The following ACSL3 variants were observed in gnomAD, a reference collection of about 807,000 sequenced individuals.
The protein encoded by ACSL3 is acyl-CoA synthetase long chain family member 3, also known as fatty acid CoA ligase Acsl3.
A neutral mutation model predicts 84.7 loss-of-function variants in ACSL3; 34 were observed. That is an observed-to-expected ratio of 0.40 (90% CI 0.31 to 0.53). ACSL3 has a LOEUF of 0.53. ACSL3 is among the 20% of genes least tolerant of loss of function. The pLI is 0.48. For missense variants in ACSL3, 680 were observed against 873.1 expected, an observed-to-expected ratio of 0.78 and a Z score of 2.79; for synonymous variants, 315 against 299.4, an observed-to-expected ratio of 1.05 and a Z score of -0.54.
intron 4 of ACSL3, among the ~76,000 whole-genome samples, chr2:222,910,421 C>CT (rs917818842): frequency 3.4e-4 from 51 of 152,220 alleles, no homozygotes; most frequent in African/African-American, 1.2e-3. Context: ...CCCCAACTGG[C>CT]TTTTTTTCCT....
intron 3 of ACSL3, among the ~76,000 whole-genome samples, chr2:222,904,118 A>T (rs1696230587): frequency 6.6e-6 from 1 of 152,164 alleles, no homozygotes; most frequent in Non-Finnish European, 1.5e-5. Context: ...CTAAAAATAC[A>T]AAATTAGCCG....
rs1694989988 is a variant in ACSL3 at position 222,861,093 on chromosome 2, C to CGGGACGAGGAGGCGT, written c.-371_-357dup. The CGGGACGAGGAGGCGT allele has an allele frequency of 6.6e-6, 1 of 152,226 alleles. No individual in the cohort carries two copies. The highest frequency in any genetic ancestry group is 2.4e-5 in the African/African-American group (1 of 41,446). The allele number at this position is 152,226 out of a possible 1,614,324, so 9.4% of individuals were successfully genotyped here. A position where few individuals can be genotyped will look rare whatever the true frequency, so the allele number is the denominator to read the frequency against. Reference sequence around the variant, plus strand: ...CTGCAGTTGTCTACGCGGCCGGGGCCGGGACGAGGAGGCGTTGGACGGGGT... The same window carrying CGGGACGAGGAGGCGT: ...CTGCAGTTGTCTACGCGGCCGGGGCCGGGACGAGGAGGCGTGGGACGAGGAGGCGTTGGACGGGGT... On this transcript the variant is annotated 5_prime_UTR_variant, in exon 1 of 17. Coordinates refer to ENST00000357430, the MANE Select transcript of ACSL3 (RefSeq NM_004457.5).
chr2:222,904,333 T>C (rs780884487), intron 3 of ACSL3, among the ~76,000 whole-genome samples: 2 of 151,862 alleles, frequency 1.3e-5, no homozygotes, highest in Admixed American at 1.3e-4. Context: ...GGTAGTGAAG[T>C]TTATATGGTC....
At chr2:222,870,126 A>G (rs1395698985) in intron 1 of ACSL3, among the ~76,000 whole-genome samples, 2 of 140,936 alleles carry the variant, frequency 1.4e-5, no homozygotes, top group African/African-American at 5.3e-5. Context: ...TTTGGTCTGT[A>G]ATCCTTTCTT....
intron 1 of ACSL3, among the ~76,000 whole-genome samples, chr2:222,877,626 T>C (rs1490922085): frequency 6.6e-6 from 1 of 152,230 alleles, no homozygotes; most frequent in African/African-American, 2.4e-5. Context: ...TTCTTTGCAT[T>C]GATGTTTCTG....
chr2:222,874,029 T>A (rs1272209351), intron 1 of ACSL3, among the ~76,000 whole-genome samples: 1 of 152,218 alleles, frequency 6.6e-6, no homozygotes, highest in African/African-American at 2.4e-5. Context: ...TTTTTATTTT[T>A]ATTTTTTTTT....
chr2:222,926,906 A>G, intron 11 of ACSL3, 111 bp from the exon 12 acceptor site: 1 of 1,198,942 alleles, frequency 8.3e-7, no homozygotes, highest in Non-Finnish European at 1.1e-6. Context: ...GACCTTGGAT[A>G]AGTAACTTAA....
Position 222,934,691 on chromosome 2 carries a change from A to G in ACSL3, c.2005+4A>G, listed in dbSNP as rs1486249573. ...CTTTCCGAAGCTGCTATTTCAGGTG[A>G]GTATTCGGTTAAACTGATACTAAAA... On this transcript the variant is annotated splice_donor_region_variant and intron_variant, in intron 16 of 16. Coordinates refer to ENST00000357430, the MANE Select transcript of ACSL3 (RefSeq NM_004457.5). The G allele has an allele frequency of 1.3e-5, 21 of 1,606,104 alleles. No individual in the cohort carries two copies. Among genetic ancestry groups the G allele is most frequent in the Middle Eastern group, 1.6e-4 (1 of 6,076 alleles).
chr2:222,929,041 T>G, intron 13 of ACSL3, 105 bp downstream of exon 13: 1 of 833,116 alleles, frequency 1.2e-6, no homozygotes, highest in Non-Finnish European at 1.9e-6. Context: ...TAAGTGCTCA[T>G]TTTTGTCCTT....
intron 3 of ACSL3, among the ~76,000 whole-genome samples, chr2:222,907,187 C>T (rs1696315079): frequency 6.6e-6 from 1 of 152,194 alleles, no homozygotes; most frequent in Non-Finnish European, 1.5e-5. Flanking sequence ...GGAACCTCTG[C>T]TTTACAAGAG....
chr2:222,930,962 C>A, intron 14 of ACSL3, 150 bp downstream of exon 14: 1 of 666,550 alleles, frequency 1.5e-6, no homozygotes, highest in Non-Finnish European at 2.4e-6. Flanking sequence ...TAAAATATTA[C>A]GGACTGTGGA....
chr2:222,870,653 A>T (rs139711136), intron 1 of ACSL3, among the ~76,000 whole-genome samples: 359 of 152,336 alleles, frequency 2.4e-3, no homozygotes, highest in African/African-American at 8.2e-3. Context: ...AGAATAAAGG[A>T]CATTCCAGGT....
intron 13 of ACSL3, 48 bp from the exon 14 acceptor site, chr2:222,930,573 C>A: frequency 1.4e-6 from 2 of 1,414,070 alleles, no homozygotes; most frequent in Non-Finnish European, 1.9e-6. Flanking sequence ...TTCAAATTTT[C>A]ATGTGTTGTA....
intron 3 of ACSL3, among the ~76,000 whole-genome samples, chr2:222,903,259 C>T (rs543257922): frequency 3.9e-5 from 6 of 152,242 alleles, no homozygotes; most frequent in African/African-American, 1.4e-4. Flanking sequence ...CACTTGATTC[C>T]GCCTCTTGAG....
chr2:222,944,280 C>G lies in ACSL3; in HGVS notation c.*2626C>G, dbSNP rs887149937. 19 of 152,128 alleles carry G rather than the reference C, an allele frequency of 1.2e-4. 1 individual carries two copies. The highest frequency in any genetic ancestry group is 6.5e-5 in the Admixed American group (1 of 15,274). The allele number at this position is 152,128 out of a possible 1,614,324, so 9.4% of individuals were successfully genotyped here. ...CTTACTTGTTTGCTGCTAAAATACT[C>G]AAGATTTTGCCATTTTTAAACAACC... On this transcript the variant is annotated 3_prime_UTR_variant, in exon 17 of 17. Coordinates refer to ENST00000357430, the MANE Select transcript of ACSL3 (RefSeq NM_004457.5).
intron 1 of ACSL3, among the ~76,000 whole-genome samples, chr2:222,887,178 A>G (rs1453517237): frequency 6.6e-6 from 1 of 152,214 alleles, no homozygotes; most frequent in Non-Finnish European, 1.5e-5. Flanking sequence ...ATCATACAGT[A>G]CATAGCATTT....
chr2:222,869,617 A>G (rs1397424865), intron 1 of ACSL3, among the ~76,000 whole-genome samples: 1 of 152,266 alleles, frequency 6.6e-6, no homozygotes, highest in Non-Finnish European at 1.5e-5. Flanking sequence ...AATGAGCAGT[A>G]TAAAGGACAG....
Position 222,942,245 on chromosome 2 carries a change from C to T in ACSL3, c.*591C>T, listed in dbSNP as rs1173671870. 1.0e-4 allele frequency: 19 copies of T among 187,298 alleles called. No individual in the cohort carries two copies. 11.6% of individuals were successfully genotyped at this position (187,298 alleles called of 1,614,324 possible). A position where few individuals can be genotyped will look rare whatever the true frequency, so the allele number is the denominator to read the frequency against. On this transcript the variant is annotated 3_prime_UTR_variant, in exon 17 of 17. Coordinates refer to ENST00000357430, the MANE Select transcript of ACSL3 (RefSeq NM_004457.5). ...GAAGTTGAGATCTTGTGAATATATGCCTGTCAGTGTCTTCTTTATATATTT... is the reference window on the plus strand; with the variant it reads ...GAAGTTGAGATCTTGTGAATATATGTCTGTCAGTGTCTTCTTTATATATTT...
rs184723422 is a variant in ACSL3, at chr2:222,869,424, T to G, written c.-207+8166T>G. ...TATATTCTTTCTTCCTCTTTATCCC[T>G]TCTCTGCCCTTCACAAGTAGTTTTT... On this transcript the variant is annotated intron_variant, in intron 1 of 16. Coordinates refer to ENST00000357430, the MANE Select transcript of ACSL3 (RefSeq NM_004457.5). Among the ~76,000 whole-genome samples, 591 of 152,328 alleles carry G rather than the reference T, an allele frequency of 3.9e-3. 2 individuals carry two copies. The highest frequency in any genetic ancestry group is 0.024 in the Middle Eastern group (7 of 294).
Sources: allele counts gnomAD v4.1 joint callset (sites outside exome capture counted in the v4.1 genomes callset), GRCh38; gene constraint gnomAD v4.1.1; transcripts MANE v1.5; gene names NCBI Gene and HGNC (gene_info 2026-07-23, HGNC 2026-07-21).